The following FAF1 variants were observed in gnomAD, a reference collection of about 807,000 sequenced individuals.
FAF1 encodes the protein FAS-associated factor 1.
Under a neutral mutation model 92.5 loss-of-function variants are expected in FAF1, and 25 were observed. That is an observed-to-expected ratio of 0.27 (90% CI 0.20 to 0.38). FAF1 has a LOEUF of 0.38. FAF1 is among the 10% of genes least tolerant of loss of function. The pLI is 1.00. For missense variants in FAF1, 636 were observed against 793.3 expected, an observed-to-expected ratio of 0.80 and a Z score of 2.38; for synonymous variants, 234 against 273.2, an observed-to-expected ratio of 0.86 and a Z score of 1.42.
At chr1:50,525,761 GGGTGT>G (rs1647759658) in intron 15 of FAF1, among the ~76,000 whole-genome samples, 1 of 152,130 alleles carries the variant, frequency 6.6e-6, no homozygotes, top group Non-Finnish European at 1.5e-5. Context: ...TATGATGAAA[GGGTGT>G]GGATTTTGGC....
chr1:50,598,418 T>G (rs1036648836), intron 8 of FAF1, among the ~76,000 whole-genome samples: 3 of 143,214 alleles, frequency 2.1e-5, no homozygotes, highest in Non-Finnish European at 3.0e-5. Context: ...ACTGAGATCA[T>G]GCCACTGCAT....
chr1:50,658,120 C>T (rs955121610), intron 7 of FAF1, among the ~76,000 whole-genome samples: 3 of 151,828 alleles, frequency 2.0e-5, no homozygotes, highest in South Asian at 2.1e-4. Context: ...GAGAGTGTTA[C>T]GTTAATAAAA....
chr1:50,456,855 T>C (rs1418235100), intron 18 of FAF1, among the ~76,000 whole-genome samples: 1 of 152,176 alleles, frequency 6.6e-6, no homozygotes, highest in Non-Finnish European at 1.5e-5. Context: ...GGCTCAGCCC[T>C]AGGGTGTCAA....
At chr1:50,553,246 G>A (rs1649397764) in intron 13 of FAF1, among the ~76,000 whole-genome samples, 1 of 152,160 alleles carries the variant, frequency 6.6e-6, no homozygotes, top group South Asian at 2.1e-4. Context: ...AGAGCCAGAT[G>A]TTTGAAATCA....
intron 8 of FAF1, among the ~76,000 whole-genome samples, chr1:50,630,767 T>C (rs1037085171): frequency 4.0e-5 from 6 of 151,830 alleles, no homozygotes; most frequent in Non-Finnish European, 5.9e-5. Context: ...TTTTGTTTAA[T>C]ATCGTAGTCT....
chr1:50,821,503 C>T (rs114656273), intron 2 of FAF1, among the ~76,000 whole-genome samples: 1,995 of 152,254 alleles, frequency 0.013, 39 homozygotes, highest in African/African-American at 0.046. Flanking sequence ...TGTCTAAAGG[C>T]ATAGAGCCTT....
At chr1:50,765,521 T>A (rs914056596) in intron 4 of FAF1, among the ~76,000 whole-genome samples, 3 of 152,128 alleles carry the variant, frequency 2.0e-5, no homozygotes, top group Non-Finnish European at 4.4e-5. Context: ...ATTATTTCCA[T>A]TCAGAGAAAA....
chr1:50,491,992 G>C (rs1307612750), intron 15 of FAF1, among the ~76,000 whole-genome samples, 191 bp from the exon 16 acceptor site: 1 of 152,136 alleles, frequency 6.6e-6, no homozygotes, highest in Non-Finnish European at 1.5e-5. Flanking sequence ...GTGGAAATAA[G>C]AATGTTTGAA....
At chr1:50,565,209 G>C (rs1572837742) in intron 13 of FAF1, among the ~76,000 whole-genome samples, 1 of 151,986 alleles carries the variant, frequency 6.6e-6, no homozygotes, top group South Asian at 2.1e-4. Flanking sequence ...AGGATGCCAA[G>C]TATCTTAAAT....
intron 8 of FAF1, among the ~76,000 whole-genome samples, chr1:50,611,192 T>C (rs1652668800): frequency 6.6e-6 from 1 of 152,244 alleles, no homozygotes; most frequent in Non-Finnish European, 1.5e-5. Flanking sequence ...ACTAATTCAA[T>C]AATGAAATTT....
intron 12 of FAF1, among the ~76,000 whole-genome samples, chr1:50,573,243 C>CA (rs1650537989): frequency 6.6e-6 from 1 of 151,862 alleles, no homozygotes; most frequent in East Asian, 2.0e-4. Context: ...AGATTGCAGG[C>CA]AGCTGCCACC....
chr1:50,579,287 T>C (rs1326520665), intron 12 of FAF1, among the ~76,000 whole-genome samples: 1 of 152,160 alleles, frequency 6.6e-6, no homozygotes, highest in Non-Finnish European at 1.5e-5. Context: ...CTAAAATGTG[T>C]GAGGTATACA....
chr1:50,591,410 T>C (rs1651499654), intron 9 of FAF1, among the ~76,000 whole-genome samples: 1 of 152,166 alleles, frequency 6.6e-6, no homozygotes, highest in South Asian at 2.1e-4. Context: ...CAGTGGCTCA[T>C]GCCTGCAATC....
chr1:50,867,612 T>G (rs1490577971), intron 1 of FAF1, among the ~76,000 whole-genome samples: 1 of 151,956 alleles, frequency 6.6e-6, no homozygotes, highest in Non-Finnish European at 1.5e-5. Context: ...GGCAAATGCA[T>G]ATCAAAACCA....
intron 8 of FAF1, among the ~76,000 whole-genome samples, chr1:50,627,150 T>C (rs1408749726): frequency 1.3e-5 from 2 of 152,126 alleles, no homozygotes; most frequent in Non-Finnish European, 2.9e-5. Flanking sequence ...AGGCTAGAAA[T>C]ATAAATTTGT....
chr1:50,602,588 C>A (rs975875008), intron 8 of FAF1, among the ~76,000 whole-genome samples: 3 of 151,468 alleles, frequency 2.0e-5, no homozygotes, highest in Admixed American at 1.3e-4. Context: ...CTGCAACCTC[C>A]GTCTCCCAGG....
At chr1:50,725,657 T>C (rs1658618244) in intron 6 of FAF1, among the ~76,000 whole-genome samples, 1 of 152,144 alleles carries the variant, frequency 6.6e-6, no homozygotes, top group Admixed American at 6.5e-5. Context: ...GGTTTCGCCA[T>C]GTTGTCCAGG....
chr1:50,707,561 G>A (rs935564437), intron 6 of FAF1, among the ~76,000 whole-genome samples: 4 of 151,864 alleles, frequency 2.6e-5, no homozygotes, highest in African/African-American at 7.3e-5. Context: ...AATTAGCTGG[G>A]CGTCGTGCTG....
intron 8 of FAF1, among the ~76,000 whole-genome samples, chr1:50,653,858 A>G (rs1207635666): frequency 6.6e-6 from 1 of 152,110 alleles, no homozygotes; most frequent in Non-Finnish European, 1.5e-5. Context: ...CGATAGAGCA[A>G]GATTCCAAGT....
Sources: gnomAD v4.1 joint callset for allele counts (sites outside exome capture counted in the v4.1 genomes callset) on GRCh38, gnomAD v4.1.1 for gene constraint, MANE v1.5 for transcripts, NCBI Gene and HGNC (gene_info 2026-07-23, HGNC 2026-07-21) for gene names.